Variants in COL4A1 observed in about 807,000 individuals in gnomAD.
COL4A1 encodes the protein collagen type IV alpha 1 chain, also known as collagen alpha-1(IV) chain.
COL4A1 carries 40 observed loss-of-function variants against 216.6 expected under a neutral mutation model. The ratio of observed to expected loss-of-function variants is 0.18; its 90% CI spans 0.14 to 0.24. The LOEUF (loss-of-function observed/expected upper bound fraction) is 0.24, where lower values mean the gene tolerates loss of function less well. COL4A1 is among the 10% of genes least tolerant of loss of function. The probability of loss-of-function intolerance (pLI) is 1.00; values close to 1 mark genes in which losing one functional copy is unlikely to be tolerated. For synonymous variants in COL4A1, 839 were observed against 810.7 expected, an observed-to-expected ratio of 1.03 and a Z score of -0.59; for missense variants, 1,628 against 2,196.8, an observed-to-expected ratio of 0.74 and a Z score of 5.18.
chr13:110,212,761 G>T, intron 4 of COL4A1, 143 bp from the exon 5 acceptor site: 1 of 903,014 alleles, frequency 1.1e-6, no homozygotes, highest in African/African-American at 1.7e-5. Flanking sequence ...CTGCACAAGA[G>T]GCAGCAGAGG....
intron 28 of COL4A1, among the ~76,000 whole-genome samples, chr13:110,182,408 T>C (rs1304445301): frequency 2.0e-5 from 3 of 152,212 alleles, no homozygotes; most frequent in Non-Finnish European, 2.9e-5. Context: ...ACGTCCCTTT[T>C]GTGCTCACAG....
intron 1 of COL4A1, among the ~76,000 whole-genome samples, chr13:110,299,283 G>C (rs1468442316): frequency 1.3e-5 from 2 of 152,128 alleles, no homozygotes; most frequent in Non-Finnish European, 2.9e-5. Flanking sequence ...GCAGATTCTC[G>C]GCATACCCCA....
chr13:110,230,515 AAAGGG>A (rs1880990807), intron 2 of COL4A1, among the ~76,000 whole-genome samples: 1 of 143,950 alleles, frequency 6.9e-6, no homozygotes, highest in South Asian at 2.3e-4. Context: ...GAAATTTTAT[AAAGGG>A]AAGAAGGGTA....
In COL4A1 at chr13:110,307,075, C is replaced by T. The variant is rs1182573212; in HGVS notation, c.-48G>A. 6.6e-6 allele frequency: 9 copies of T among 1,370,308 alleles called. No homozygotes were observed. The highest frequency in any genetic ancestry group is 6.1e-5 in the East Asian group (2 of 32,700). The allele number at this position is 1,370,308 out of a possible 1,614,324, so 84.9% of individuals were successfully genotyped here. A position where few individuals can be genotyped will look rare whatever the true frequency, so the allele number is the denominator to read the frequency against. ...GGGACGGCTGCCCGGCGTGCGGGGG[C>T]CGCGGCGGACAGCTAGCTCTCGGAA... On this transcript the variant is annotated 5_prime_UTR_variant, in exon 1 of 52. Transcript: ENST00000375820. This position sits in a 1 kb window ranked among gnomAD's most constrained non-coding sequence, Gnocchi z 5.0.
At chr13:110,288,046 G>A (rs1346734529) in intron 1 of COL4A1, among the ~76,000 whole-genome samples, 3 of 149,160 alleles carry the variant, frequency 2.0e-5, no homozygotes, top group Non-Finnish European at 4.5e-5. Context: ...CACGAGGTCA[G>A]GAGTTTGAAA....
intron 49 of COL4A1, among the ~76,000 whole-genome samples, chr13:110,159,799 T>TA (rs1876983494): frequency 6.6e-6 from 1 of 152,182 alleles, no homozygotes; most frequent in Non-Finnish European, 1.5e-5. Context: ...TATCACATGC[T>TA]ATAATATAGA....
chr13:110,183,355 G>T, intron 26 of COL4A1, 79 bp from the exon 27 acceptor site: 1 of 1,360,944 alleles, frequency 7.3e-7, no homozygotes, highest in Non-Finnish European at 1.0e-6. Context: ...GCAGTGGGTG[G>T]GCTGCACGCC....
chr13:110,194,399 C>T lies in COL4A1; in HGVS notation c.1381+624G>A, dbSNP rs9559743. 2.3e-4 allele frequency among the ~76,000 whole-genome samples: 35 copies of T among 152,324 alleles called. No homozygotes were observed. The East Asian group carries it at 6.2e-3, about 27-fold the overall frequency. On this transcript the variant is annotated intron_variant, in intron 22 of 51. Coordinates refer to ENST00000375820, the MANE Select transcript of COL4A1 (RefSeq NM_001845.6). The stretch of plus-strand genomic sequence containing the variant: ...AACAGGCATATAAATATCAGAATAT[C>T]CATTGCTTATTCCCCTCTAAGGCAG...
chr13:110,167,301 T>A lies in COL4A1; in HGVS notation c.3877-71A>T. 1.4e-5 allele frequency: 17 copies of A among 1,183,716 alleles called. No individual in the cohort carries two copies. In the South Asian group the frequency reaches 2.1e-4, roughly 14 times the overall value. The allele number at this position is 1,183,716 out of a possible 1,614,324, so 73.3% of individuals were successfully genotyped here. A position where few individuals can be genotyped will look rare whatever the true frequency, so the allele number is the denominator to read the frequency against. ...TTAAGTCTCTCCAGTAACCTGCTAG[T>A]TGGAAAATGGAAACAGCCCCTCAAT... On this transcript the variant is annotated intron_variant, in intron 43 of 51. Coordinates refer to ENST00000375820, the MANE Select transcript of COL4A1 (RefSeq NM_001845.6).
intron 1 of COL4A1, chr13:110,305,951 G>A (rs1884684731): frequency 1.3e-5 from 2 of 152,330 alleles, no homozygotes. Flanking sequence ...CTGGTAAGTA[G>A]CAAAAATCAT....
At chr13:110,271,144 G>A (rs1213794638) in intron 1 of COL4A1, among the ~76,000 whole-genome samples, 1 of 152,124 alleles carries the variant, frequency 6.6e-6, no homozygotes, top group Admixed American at 6.5e-5. Context: ...TAAGCAAATG[G>A]GAGCAAAGGG....
chr13:110,235,426 G>T (rs1342062852), intron 2 of COL4A1, among the ~76,000 whole-genome samples: 1 of 152,134 alleles, frequency 6.6e-6, no homozygotes, highest in African/African-American at 2.4e-5. Context: ...TGAGGCGGGC[G>T]GATCACAAGG....
chr13:110,295,018 A>G (rs1397118872), intron 1 of COL4A1, among the ~76,000 whole-genome samples: 2 of 152,252 alleles, frequency 1.3e-5, no homozygotes, highest in Admixed American at 1.3e-4. Flanking sequence ...GTTAGATTAC[A>G]GTTCTGTTCA....
intron 36 of COL4A1, 115 bp from the exon 37 acceptor site, chr13:110,175,472 A>C (rs1877840805): frequency 6.5e-7 from 1 of 1,530,638 alleles, no homozygotes; most frequent in Admixed American, 1.9e-5. Flanking sequence ...AATCCCCCAC[A>C]ACCAGCCAAG....
At chr13:110,275,792 C>T (rs1883405621) in intron 1 of COL4A1, among the ~76,000 whole-genome samples, 1 of 152,142 alleles carries the variant, frequency 6.6e-6, no homozygotes. Flanking sequence ...TGAAACCAAT[C>T]TGAAAAGTCT....
intron 15 of COL4A1, among the ~76,000 whole-genome samples, chr13:110,206,393 C>T (rs1373251233): frequency 6.6e-6 from 1 of 152,234 alleles, no homozygotes; most frequent in Non-Finnish European, 1.5e-5. Context: ...CCGAAGGTTT[C>T]AGGGATGGCC....
chr13:110,212,164 T>C (rs911261697), intron 6 of COL4A1, among the ~76,000 whole-genome samples: 3 of 152,242 alleles, frequency 2.0e-5, no homozygotes, highest in Non-Finnish European at 4.4e-5. Flanking sequence ...TAAATGATTA[T>C]AGGTAATAAC....
Position 110,178,065 on chromosome 13 carries a change from T to C in COL4A1, c.2625A>G (p.Pro875=). The part of the protein sequence containing the change: ...QQGAPGIPGF[P]GSKGEMGVMG... ...GGCAGAAGTTCAAAAATCACTTACC[T>C]GGAAACCCAGGAATCCCAGGAGCCC... The change falls in exon 32 of 52, where the codon CCA becomes CCG. Residue 875 remains proline (P), a splice_region_variant and synonymous_variant. Transcript: ENST00000375820. 2 of 1,614,128 alleles carry C rather than the reference T, an allele frequency of 1.2e-6. No homozygotes were observed. Among genetic ancestry groups the C allele is most frequent in the Non-Finnish European group, 1.7e-6 (2 of 1,180,040 alleles).
intron 43 of COL4A1, 133 bp from the exon 44 acceptor site, chr13:110,167,363 G>C: frequency 1.3e-6 from 1 of 768,944 alleles, no homozygotes; most frequent in Non-Finnish European, 2.4e-6. Flanking sequence ...ATGGTGCCTT[G>C]TGGTTTCTTA....
Sources: gnomAD v4.1 joint callset for allele counts (sites outside exome capture counted in the v4.1 genomes callset) on GRCh38, gnomAD v4.1.1 for gene constraint, Gnocchi (gnomAD v3.1) non-coding constraint, MANE v1.5 for transcripts, NCBI Gene and HGNC (gene_info 2026-07-23, HGNC 2026-07-21) for gene names.